SLC36A1: variants seen among roughly 807,000 people sequenced by gnomAD.
The protein encoded by SLC36A1 is proton-coupled amino acid transporter 1.
A neutral mutation model predicts 47.5 loss-of-function variants in SLC36A1; 30 were observed. The ratio of observed to expected loss-of-function variants is 0.63; its 90% CI spans 0.47 to 0.86. SLC36A1 has a LOEUF of 0.86. Ranked by LOEUF, SLC36A1 falls within the 40% of genes least tolerant of loss-of-function variation. The pLI is 0.00. For missense variants in SLC36A1, 517 were observed against 606.0 expected (o/e 0.85, Z 1.54); for synonymous variants, 255 against 249.7 (o/e 1.02, Z -0.20).
the SLC36A1 span, chr5:151,545,371 T>A: frequency 1.2e-6 from 2 of 1,614,168 alleles, no homozygotes; most frequent in Non-Finnish European, 1.7e-6. Flanking sequence ...AGTGACAGGA[T>A]GGATGGTAAC....
At chr5:151,456,568 C>A (rs763007063) in intron 1 of SLC36A1, among the ~76,000 whole-genome samples, 1 of 152,052 alleles carries the variant, frequency 6.6e-6, no homozygotes, top group Non-Finnish European at 1.5e-5. Flanking sequence ...TTTCTCCCGG[C>A]CCTCTAGTGA....
the SLC36A1 span, chr5:151,545,673 G>C: frequency 3.7e-6 from 6 of 1,614,068 alleles, no homozygotes; most frequent in Non-Finnish European, 5.1e-6. Flanking sequence ...GGGTTCCCAT[G>C]CTGGGATCAA....
the SLC36A1 span, chr5:151,517,647 G>T: frequency 4.3e-5 from 70 of 1,614,054 alleles, no homozygotes; most frequent in Non-Finnish European, 5.3e-5. Flanking sequence ...CTGTTTCATT[G>T]GTGAATAGAA....
chr5:151,414,247 G>A, the SLC36A1 span, among the ~76,000 whole-genome samples: 1 of 141,006 alleles, frequency 7.1e-6, no homozygotes, highest in Non-Finnish European at 1.5e-5. Context: ...TTTAGGATGG[G>A]TATGATTTGG....
At chr5:151,542,874 C>A in the SLC36A1 span, 5 of 1,614,186 alleles carry the variant, frequency 3.1e-6, no homozygotes, top group Non-Finnish European at 4.2e-6. Context: ...TGGGCTTCCT[C>A]ACCTTTATGA....
At chr5:151,515,000 T>C in the SLC36A1 span, among the ~76,000 whole-genome samples, 1 of 152,310 alleles carries the variant, frequency 6.6e-6, no homozygotes, top group South Asian at 2.1e-4. Flanking sequence ...AAAAAGGTTG[T>C]CTTCACCTCA....
At chr5:151,538,076 C>A in the SLC36A1 span, 15 of 642,716 alleles carry the variant, frequency 2.3e-5, no homozygotes, top group Admixed American at 6.1e-5. Flanking sequence ...CGAAGAGAGA[C>A]AGAAAAAAGA....
chr5:151,407,768 A>G, the SLC36A1 span, among the ~76,000 whole-genome samples: 2 of 152,202 alleles, frequency 1.3e-5, no homozygotes, highest in Admixed American at 6.5e-5. Flanking sequence ...TTTGGGGTCA[A>G]TGAGAGAATG....
At chr5:151,401,058 A>T in the SLC36A1 span, among the ~76,000 whole-genome samples, 2 of 152,032 alleles carry the variant, frequency 1.3e-5, no homozygotes, top group East Asian at 3.9e-4. Flanking sequence ...TTTTGTTGTA[A>T]TTGCTTTTGA....
At chr5:151,455,354 G>A (rs187203437) in intron 1 of SLC36A1, among the ~76,000 whole-genome samples, 1 of 150,980 alleles carries the variant, frequency 6.6e-6, no homozygotes, top group Non-Finnish European at 1.5e-5. Context: ...TTTTTTTTCT[G>A]TTTTCAATAT....
chr5:151,421,207 T>TCCTTCCTTCCTTCCTTCCTA, the SLC36A1 span, among the ~76,000 whole-genome samples: 1 of 145,636 alleles, frequency 6.9e-6, no homozygotes, highest in Non-Finnish European at 1.5e-5. Flanking sequence ...CTTCCTTCCT[T>TCCTTCCTTCCTTCCTTCCTA]CCTTCCTTCC....
At chr5:151,541,820 AG>A in the SLC36A1 span, among the ~76,000 whole-genome samples, 1,440 of 152,340 alleles carry the variant, frequency 9.5e-3, 20 homozygotes, top group African/African-American at 0.033. Context: ...ATTATATCTA[AG>A]GAAGTGCTGT....
chr5:151,479,402 A>G lies in SLC36A1; in HGVS notation c.1072A>G (p.Ile358Val), dbSNP rs1352951030. Residue 358 changes from isoleucine to valine, a missense_variant, in exon 10 of 11, where the codon ATC (isoleucine) becomes GTC (valine). Transcript: ENST00000243389. The stretch of plus-strand genomic sequence containing the variant: ...CCAGTTCTACGTCCCGGCTGAGATC[A>G]TCATCCCCTTCTTTGTGTCCCGAGC... ...ALQFYVPAEI[I>V]IPFFVSRAPE... 3.1e-6 allele frequency: 5 copies of G among 1,613,666 alleles called. No individual in the cohort carries two copies. The highest frequency in any genetic ancestry group is 3.4e-6 in the Non-Finnish European group (4 of 1,179,520).
the SLC36A1 span, among the ~76,000 whole-genome samples, chr5:151,351,187 C>T: frequency 2.6e-5 from 4 of 152,174 alleles, no homozygotes; most frequent in East Asian, 1.9e-4. Context: ...AAGGTCATTT[C>T]GTTGACTCAT....
chr5:151,408,239 AG>A, the SLC36A1 span, among the ~76,000 whole-genome samples: 1 of 152,130 alleles, frequency 6.6e-6, no homozygotes, highest in Non-Finnish European at 1.5e-5. Flanking sequence ...CCCAGGCTGG[AG>A]TGCAGTGGTG....
the SLC36A1 span, chr5:151,542,739 T>C: frequency 4.5e-4 from 730 of 1,614,198 alleles, 6 homozygotes; most frequent in African/African-American, 8.6e-3. Context: ...CAGCCTCAAA[T>C]ACAGGCCTAT....
the SLC36A1 span, chr5:151,381,106 C>A: frequency 4.0e-6 from 2 of 499,404 alleles, no homozygotes; most frequent in South Asian, 1.8e-5. Context: ...CCACCTCTGC[C>A]ATCCTCCAGG....
upstream of SLC36A1, among the ~76,000 whole-genome samples, chr5:151,446,924 G>T (rs956071838): frequency 2.6e-5 from 4 of 152,088 alleles, no homozygotes; most frequent in Middle Eastern, 3.2e-3. Context: ...AATATTAGTT[G>T]TATGTATTTA....
At chr5:151,531,808 G>T in the SLC36A1 span, 1 of 1,613,540 alleles carries the variant, frequency 6.2e-7, no homozygotes, top group South Asian at 1.1e-5. This position sits in a 1 kb window ranked among gnomAD's most constrained non-coding sequence, Gnocchi z 5.7. Flanking sequence ...CGTGGACAGC[G>T]GTATTGGGGT....
Sources: gnomAD v4.1 joint callset for allele counts (sites outside exome capture counted in the v4.1 genomes callset) on GRCh38, gnomAD v4.1.1 for gene constraint, Gnocchi (gnomAD v3.1) non-coding constraint, MANE v1.5 for transcripts, NCBI Gene and HGNC (gene_info 2026-07-23, HGNC 2026-07-21) for gene names.